Variants in HMGA2 observed in about 807,000 individuals in gnomAD.
HMGA2 encodes the protein high mobility group AT-hook 2.
Under a neutral mutation model 19.1 loss-of-function variants are expected in HMGA2, and 8 were observed. The observed-to-expected ratio is 0.42, with a 90% confidence interval of 0.25 to 0.76. The LOEUF is 0.76. Ranked by LOEUF, HMGA2 falls within the 30% of genes least tolerant of loss-of-function variation. The pLI is 0.28. For synonymous variants in HMGA2, 60 were observed against 48.8 expected, an observed-to-expected ratio of 1.23 and a Z score of -0.96; for missense variants, 109 against 136.3, an observed-to-expected ratio of 0.80 and a Z score of 1.00.
At chr12:65,951,338 A>G (rs1299692003) in intron 3 of HMGA2, 45 bp from the exon 4 acceptor site, 2 of 1,234,716 alleles carry the variant, frequency 1.6e-6, no homozygotes, top group Non-Finnish European at 2.3e-6. Flanking sequence ...TTTTTCTATA[A>G]TGTATATTTT....
At chr12:65,853,776 C>T (rs1024482409) in intron 3 of HMGA2, among the ~76,000 whole-genome samples, 1 of 152,174 alleles carries the variant, frequency 6.6e-6, no homozygotes, top group African/African-American at 2.4e-5. Context: ...ATCGTGAGTG[C>T]TCAATAAATT....
chr12:65,848,829 G>T (rs1234498392), intron 3 of HMGA2, among the ~76,000 whole-genome samples: 17 of 151,978 alleles, frequency 1.1e-4, no homozygotes, highest in Non-Finnish European at 4.4e-5. Context: ...GCAGTCCGCA[G>T]TCCGACCTGG....
intron 3 of HMGA2, among the ~76,000 whole-genome samples, chr12:65,892,882 G>C: frequency 6.6e-6 from 1 of 152,172 alleles, no homozygotes; most frequent in African/African-American, 2.4e-5. Context: ...AATTATAAAT[G>C]TGTAGCTCTT....
chr12:65,927,904 T>C (rs1875568518), intron 3 of HMGA2, among the ~76,000 whole-genome samples: 1 of 148,254 alleles, frequency 6.7e-6, no homozygotes, highest in Admixed American at 6.8e-5. Context: ...TGTATATATG[T>C]ATGTATATAC....
chr12:65,885,710 T>C (rs1873629018), intron 3 of HMGA2, among the ~76,000 whole-genome samples: 1 of 152,198 alleles, frequency 6.6e-6, no homozygotes, highest in Non-Finnish European at 1.5e-5. Context: ...TTGGTAAAAG[T>C]AGTTTTAAGA....
chr12:65,909,739 G>A (rs572140470), intron 3 of HMGA2, among the ~76,000 whole-genome samples: 3 of 152,232 alleles, frequency 2.0e-5, no homozygotes, highest in South Asian at 2.1e-4. Flanking sequence ...GCACATCCAC[G>A]GGCATGAATA....
At chr12:65,881,357 C>A in intron 3 of HMGA2, 1 of 223,248 alleles carries the variant, frequency 4.5e-6, no homozygotes. Context: ...CAGAATGAAA[C>A]ATAATCAGAT....
intron 1 of HMGA2, among the ~76,000 whole-genome samples, chr12:65,827,792 T>TA (rs1454360229): frequency 6.6e-6 from 1 of 152,212 alleles, no homozygotes; most frequent in African/African-American, 2.4e-5. Context: ...ATATACAAAA[T>TA]AGAGTTTCCT....
Position 65,965,253 on chromosome 12 carries a change from G to T in HMGA2, c.*1961G>T. ...TAAGATTAGTTGAATATAAGAAAAT[G>T]CTTGACAAATATTTTCATGTATTTT... On this transcript the variant is annotated 3_prime_UTR_variant, in exon 5 of 5. Transcript: ENST00000403681. 4.9e-6 allele frequency: 1 copy of T among 203,024 alleles called. No individual in the cohort carries two copies. Among genetic ancestry groups the T allele is most frequent in the Non-Finnish European group, 1.0e-5 (1 of 98,538 alleles). The allele number at this position is 203,024 out of a possible 1,614,324, so 12.6% of individuals were successfully genotyped here. A position where few individuals can be genotyped will look rare whatever the true frequency, so the allele number is the denominator to read the frequency against.
intron 4 of HMGA2, among the ~76,000 whole-genome samples, 185 bp from the exon 5 acceptor site, chr12:65,963,060 A>G (rs1025045877): frequency 1.1e-4 from 17 of 152,262 alleles, no homozygotes; most frequent in Admixed American, 8.5e-4. Flanking sequence ...CTGGGAAAAA[A>G]CAACACCTTG....
At position 65,825,330 on chromosome 12, in the gene HMGA2, C is replaced by G. The variant is rs754349167; in HGVS notation, c.60C>G (p.Ala20=). 15 of 1,538,488 alleles carry G rather than the reference C, an allele frequency of 9.7e-6. No homozygotes were observed. The African/African-American group carries it at 1.5e-4, about 16-fold the overall frequency. ...CCACTTCAGCCCAGGGACAACCTGC[C>G]GCCCCAGCGCCTCAGAAGAGAGGAC... ...QPSTSAQGQP[A]APAPQKRGRG... The change falls in exon 1 of 5, where the codon GCC becomes GCG. Residue 20 remains alanine, a synonymous_variant. Transcript: ENST00000403681. The surrounding 1 kb of genome is among the most constrained non-coding windows in gnomAD (Gnocchi z 4.4).
chr12:65,874,395 G>A (rs974235525), intron 3 of HMGA2, among the ~76,000 whole-genome samples: 1 of 152,140 alleles, frequency 6.6e-6, no homozygotes, highest in Non-Finnish European at 1.5e-5. Context: ...CTTTAATGAT[G>A]TGAGGTGAAT....
intron 3 of HMGA2, among the ~76,000 whole-genome samples, chr12:65,910,266 C>T (rs1400307883): frequency 6.6e-6 from 1 of 152,142 alleles, no homozygotes; most frequent in Non-Finnish European, 1.5e-5. Flanking sequence ...CAGTCATTGC[C>T]TAACCATTCT....
chr12:65,881,452 G>A (rs1473869987), intron 3 of HMGA2: 1 of 463,388 alleles, frequency 2.2e-6, no homozygotes, highest in Non-Finnish European at 3.9e-6. Flanking sequence ...AATAAGACTT[G>A]GCTAAAAAAA....
Position 65,901,249 on chromosome 12 carries a change from G to A in HMGA2, c.250-50134G>A, listed in dbSNP as rs538734747. Reference sequence around the variant, plus strand: ...TGCAGGTTAAACAATAATTTCGGCAGCCTTTACATTATAAATAGCATAAAA... The same window carrying A: ...TGCAGGTTAAACAATAATTTCGGCAACCTTTACATTATAAATAGCATAAAA... On this transcript the variant is annotated intron_variant, in intron 3 of 4. Coordinates refer to ENST00000403681, the MANE Select transcript of HMGA2 (RefSeq NM_003483.6). Among the ~76,000 whole-genome samples the A allele has an allele frequency of 3.3e-5, 5 of 152,298 alleles. No individual in the cohort carries two copies. The South Asian group carries it at 1.0e-3, about 32-fold the overall frequency.
intron 3 of HMGA2, among the ~76,000 whole-genome samples, chr12:65,893,965 TA>T: frequency 6.6e-6 from 1 of 152,334 alleles, no homozygotes; most frequent in East Asian, 1.9e-4. Context: ...ACTTTTTTTG[TA>T]GACTTTAGTA....
At chr12:65,918,966 G>A (rs541921208) in intron 3 of HMGA2, among the ~76,000 whole-genome samples, 25 of 152,280 alleles carry the variant, frequency 1.6e-4, no homozygotes, top group South Asian at 2.1e-4. Context: ...GTAAAAAAAT[G>A]TTTCTGTAGG....
intron 3 of HMGA2, among the ~76,000 whole-genome samples, chr12:65,913,171 G>A (rs540797840): frequency 6.6e-6 from 1 of 151,866 alleles, no homozygotes; most frequent in Non-Finnish European, 1.5e-5. Context: ...CAGTTCTTCT[G>A]TTCCTCCATT....
chr12:65,911,795 G>A (rs142216591), intron 3 of HMGA2, among the ~76,000 whole-genome samples: 47 of 152,246 alleles, frequency 3.1e-4, no homozygotes, highest in African/African-American at 1.1e-3. Flanking sequence ...GAGCATCCGT[G>A]TAGAAATAAG....
Sources: gnomAD v4.1 joint callset for allele counts (sites outside exome capture counted in the v4.1 genomes callset) on GRCh38, gnomAD v4.1.1 for gene constraint, Gnocchi (gnomAD v3.1) non-coding constraint, MANE v1.5 for transcripts, NCBI Gene and HGNC (gene_info 2026-07-23, HGNC 2026-07-21) for gene names.